The following ADAM10 variants were observed in gnomAD, a reference collection of about 807,000 sequenced individuals.
The protein encoded by ADAM10 is ADAM metallopeptidase domain 10.
A neutral mutation model predicts 90.1 loss-of-function variants in ADAM10; 17 were observed. That is an observed-to-expected ratio of 0.19 (90% confidence interval 0.13 to 0.28). ADAM10 has a LOEUF of 0.28. Among genes scored for constraint, ADAM10 ranks in the 10% least tolerant of loss-of-function variants. The pLI is 1.00. For missense variants in ADAM10, 610 were observed against 914.3 expected (o/e 0.67, Z 4.29); for synonymous variants, 310 against 298.6 (o/e 1.04, Z -0.40).
chr15:58,689,954 A>ACGCC (rs768784057), intron 2 of ADAM10, among the ~76,000 whole-genome samples: 12 of 117,628 alleles, frequency 1.0e-4, no homozygotes, highest in Non-Finnish European at 1.7e-4. Context: ...ACCCCCCCCA[A>ACGCC]AAAAAAAAAA....
chr15:58,615,754 T>C (rs1895590149), intron 11 of ADAM10, among the ~76,000 whole-genome samples: 1 of 152,136 alleles, frequency 6.6e-6, no homozygotes, highest in South Asian at 2.1e-4. Flanking sequence ...CATTTTGTAA[T>C]GCCAGCACTT....
At chr15:58,747,301 T>G (rs1245074991) in intron 1 of ADAM10, 1 of 152,184 alleles carries the variant, frequency 6.6e-6, no homozygotes, top group Non-Finnish European at 1.5e-5. Context: ...ATCCTAGTAA[T>G]ATACAGAGCA....
rs1162350060 is a variant in ADAM10 at position 58,647,248 on chromosome 15, A to ATTTCTTTTTTTTTTTTTT, written c.586-1045_586-1044insAAAAAAAAAAAAAAGAAA. On this transcript the variant is annotated intron_variant, in intron 5 of 15. Transcript: ENST00000260408. The stretch of plus-strand genomic sequence containing the variant: ...TGGCAGCAAAGAGTAGACACTAAGT[A>ATTTCTTTTTTTTTTTTTT]TTTTTTTTTTTTTTTTTTTTTTTTT... Among the ~76,000 whole-genome samples, 48 of 59,604 alleles carry ATTTCTTTTTTTTTTTTTT rather than the reference A, an allele frequency of 8.1e-4. 7 individuals are homozygous for ATTTCTTTTTTTTTTTTTT. The highest frequency in any genetic ancestry group is 2.3e-3 in the African/African-American group (43 of 18,648). The allele number at this position is 59,604 out of a possible 152,430, so 39.1% of individuals were successfully genotyped here.
chr15:58,718,970 G>A (rs1388430062), intron 1 of ADAM10, among the ~76,000 whole-genome samples: 5 of 152,130 alleles, frequency 3.3e-5, no homozygotes, highest in African/African-American at 1.2e-4. Flanking sequence ...CACAATCGAA[G>A]GGCCAACCTT....
At chr15:58,609,539 C>T (rs185276991) in intron 14 of ADAM10, 1 of 153,216 alleles carries the variant, frequency 6.5e-6, no homozygotes, top group South Asian at 2.0e-4. Context: ...CACACACACA[C>T]ATACACACTA....
chr15:58,611,256 G>C (rs1466538079), intron 12 of ADAM10, 149 bp from the exon 13 acceptor site: 3 of 651,316 alleles, frequency 4.6e-6, no homozygotes, highest in Middle Eastern at 3.2e-4. Context: ...TATCAAAACT[G>C]AATTACATAA....
chr15:58,618,981 C>T (rs1422822986), intron 11 of ADAM10, among the ~76,000 whole-genome samples: 1 of 152,028 alleles, frequency 6.6e-6, no homozygotes. Context: ...AATAGATCTA[C>T]TATATGATCC....
At position 58,680,441 on chromosome 15, in the gene ADAM10, T is replaced by C. The variant is rs562271049; in HGVS notation, c.326-1159A>G. On this transcript the variant is annotated intron_variant, in intron 3 of 15. Coordinates refer to ENST00000260408, the MANE Select transcript of ADAM10 (RefSeq NM_001110.4). ...CCCAGCCTATAAACACATTTTTAAA[T>C]AGAACAGTGTCAAATATTTCATGGG... Among the ~76,000 whole-genome samples, 326 of 152,264 alleles carry C rather than the reference T, an allele frequency of 2.1e-3. 2 individuals carry two copies. Among genetic ancestry groups the C allele is most frequent in the Non-Finnish European group, 1.4e-3 (92 of 68,016 alleles).
At chr15:58,693,357 C>T (rs1263798293) in intron 2 of ADAM10, among the ~76,000 whole-genome samples, 1 of 152,186 alleles carries the variant, frequency 6.6e-6, no homozygotes, top group Non-Finnish European at 1.5e-5. Flanking sequence ...GTAAATGGAC[C>T]TTGCTTAGCA....
intron 4 of ADAM10, among the ~76,000 whole-genome samples, chr15:58,670,255 A>C (rs1439238817): frequency 6.6e-6 from 1 of 152,016 alleles, no homozygotes; most frequent in Non-Finnish European, 1.5e-5. Context: ...GTGTCCACAG[A>C]CTATACATGA....
At chr15:58,744,815 G>C (rs1410882769) in intron 1 of ADAM10, among the ~76,000 whole-genome samples, 4 of 152,178 alleles carry the variant, frequency 2.6e-5, no homozygotes, top group Admixed American at 2.6e-4. Context: ...TTCAAGACCA[G>C]CTTGGGCAAC....
At chr15:58,655,859 G>A (rs1290711595) in intron 5 of ADAM10, among the ~76,000 whole-genome samples, 1 of 144,764 alleles carries the variant, frequency 6.9e-6, no homozygotes, top group Non-Finnish European at 1.5e-5. Context: ...TGATTCTCCT[G>A]CCTCAGCCTC....
At chr15:58,747,545 A>T (rs1206793968) in intron 1 of ADAM10, 1 of 152,230 alleles carries the variant, frequency 6.6e-6, no homozygotes, top group Non-Finnish European at 1.5e-5. Flanking sequence ...AATAGCTCAG[A>T]TTAGTAGATA....
intron 2 of ADAM10, among the ~76,000 whole-genome samples, chr15:58,683,753 G>T (rs1221084891): frequency 6.6e-6 from 1 of 151,396 alleles, no homozygotes; most frequent in Non-Finnish European, 1.5e-5. Context: ...CCAGCTACTG[G>T]GGAGGCTGAG....
At chr15:58,661,831 A>C (rs1252447899) in intron 5 of ADAM10, among the ~76,000 whole-genome samples, 2 of 152,172 alleles carry the variant, frequency 1.3e-5, no homozygotes, top group Non-Finnish European at 2.9e-5. Context: ...GTATATTCAT[A>C]TTGAGTTCTG....
At chr15:58,601,565 T>A (rs1171222419) in intron 14 of ADAM10, among the ~76,000 whole-genome samples, 1 of 151,778 alleles carries the variant, frequency 6.6e-6, no homozygotes, top group Non-Finnish European at 1.5e-5. Flanking sequence ...CATTTTAGCA[T>A]ATAATTTCTA....
In ADAM10 at chr15:58,622,601, T is replaced by C. The variant is rs534869113; in HGVS notation, c.1361-980A>G. Among the ~76,000 whole-genome samples the C allele has an allele frequency of 2.6e-5, 4 of 152,280 alleles. No homozygotes were observed. In the East Asian group the frequency reaches 5.8e-4, roughly 22 times the overall value. On this transcript the variant is annotated intron_variant, in intron 10 of 15. Coordinates refer to ENST00000260408, the MANE Select transcript of ADAM10 (RefSeq NM_001110.4). The stretch of plus-strand genomic sequence containing the variant: ...TGCTGCTGAACTAAACCAAGCTCCT[T>C]AAGGGAACAAACATGTATTATTTAT...
intron 5 of ADAM10, among the ~76,000 whole-genome samples, chr15:58,660,088 T>C (rs1436447766): frequency 2.6e-5 from 4 of 152,254 alleles, no homozygotes; most frequent in South Asian, 2.1e-4. Flanking sequence ...TCTGAGAATA[T>C]GGATCCATAA....
chr15:58,722,411 C>T (rs1828396609), intron 1 of ADAM10, among the ~76,000 whole-genome samples: 1 of 151,594 alleles, frequency 6.6e-6, no homozygotes, highest in Non-Finnish European at 1.5e-5. Context: ...TGATGGCATG[C>T]ACCTGTAATC....
Sources: allele counts gnomAD v4.1 joint callset (sites outside exome capture counted in the v4.1 genomes callset), GRCh38; gene constraint gnomAD v4.1.1; transcripts MANE v1.5; gene names NCBI Gene and HGNC (gene_info 2026-07-23, HGNC 2026-07-21).